TMOD1: variants seen among roughly 807,000 people sequenced by gnomAD.
TMOD1 encodes tropomodulin 1.
Under a neutral mutation model 40.6 loss-of-function variants are expected in TMOD1, and 17 were observed. The observed-to-expected ratio is 0.42, with a 90% CI of 0.29 to 0.63. The LOEUF is 0.63. Ranked by LOEUF, TMOD1 falls within the 20% of genes least tolerant of loss-of-function variation. TMOD1 has a pLI of 0.22. For synonymous variants in TMOD1, 181 were observed against 175.0 expected (o/e 1.03, Z -0.27); for missense variants, 391 against 447.6 (o/e 0.87, Z 1.14).
intron 1 of TMOD1, among the ~76,000 whole-genome samples, chr9:97,519,485 G>A (rs1829881236): frequency 6.6e-6 from 1 of 152,136 alleles, no homozygotes. Context: ...CTCTTGCTCA[G>A]GGTCACCAGG....
intron 1 of TMOD1, among the ~76,000 whole-genome samples, chr9:97,520,265 A>G (rs923389919): frequency 3.9e-5 from 6 of 152,152 alleles, no homozygotes; most frequent in Admixed American, 3.3e-4. Context: ...TACTGTCACA[A>G]TTAACACTCC....
intron 1 of TMOD1, among the ~76,000 whole-genome samples, chr9:97,517,053 G>T (rs1034488627): frequency 2.6e-5 from 4 of 152,134 alleles, no homozygotes; most frequent in East Asian, 3.9e-4. Flanking sequence ...GCCTGTGGGG[G>T]TGGGGAGGAG....
chr9:97,512,131 C>T (rs1399620681), intron 1 of TMOD1, among the ~76,000 whole-genome samples: 1 of 152,122 alleles, frequency 6.6e-6, no homozygotes, highest in South Asian at 2.1e-4. Context: ...AAGAGAAGGC[C>T]TAATTCACAG....
intron 1 of TMOD1, among the ~76,000 whole-genome samples, chr9:97,508,075 A>T (rs1829621447): frequency 7.4e-6 from 1 of 134,366 alleles, no homozygotes; most frequent in African/African-American, 3.2e-5. Context: ...ACACACACAC[A>T]CACACACACA....
chr9:97,598,801 T>C (rs1467820962), intron 9 of TMOD1, among the ~76,000 whole-genome samples: 3 of 152,226 alleles, frequency 2.0e-5, no homozygotes, highest in East Asian at 3.9e-4. Flanking sequence ...CATCTAAGTA[T>C]AGACGGACTT....
intron 2 of TMOD1, among the ~76,000 whole-genome samples, chr9:97,543,063 A>G (rs994312911): frequency 6.6e-6 from 1 of 152,146 alleles, no homozygotes; most frequent in Admixed American, 6.5e-5. Flanking sequence ...CTCTGCTTTA[A>G]CTAAATCCGT....
At chr9:97,517,990 G>T (rs1271233666) in intron 1 of TMOD1, among the ~76,000 whole-genome samples, 1 of 152,178 alleles carries the variant, frequency 6.6e-6, no homozygotes, top group Non-Finnish European at 1.5e-5. Context: ...CTGTCCCTCA[G>T]GACTCCACTC....
At position 97,546,325 on chromosome 9, in the gene TMOD1, C is replaced by T; in HGVS notation, c.261C>T (p.Tyr87=). The change falls in exon 3 of 10, where the codon TAC becomes TAT. Residue 87 remains tyrosine, a synonymous_variant. Coordinates refer to ENST00000259365, the MANE Select transcript of TMOD1 (RefSeq NM_003275.4). ...AGGACCGAGAAGATCTGGTCCCCTA[C>T]ACAGGGGAAAAACGAGGTACTGAAC... is the stretch of plus-strand genomic sequence containing the variant. The part of the protein sequence containing the change: ...EFKDREDLVP[Y]TGEKRGKVWV... 3.1e-6 allele frequency: 5 copies of T among 1,613,692 alleles called. No homozygotes were observed. The highest frequency in any genetic ancestry group is 4.2e-6 in the Non-Finnish European group (5 of 1,179,856).
chr9:97,522,656 G>T (rs1829935542), intron 1 of TMOD1, among the ~76,000 whole-genome samples: 1 of 152,028 alleles, frequency 6.6e-6, no homozygotes, highest in African/African-American at 2.4e-5. Flanking sequence ...CGACCTCCTG[G>T]GCTAAAGCGA....
chr9:97,506,658 G>C (rs1243851601), intron 1 of TMOD1, among the ~76,000 whole-genome samples: 1 of 152,204 alleles, frequency 6.6e-6, no homozygotes, highest in Non-Finnish European at 1.5e-5. Context: ...AACCCCATGA[G>C]GGAGGAACAG....
At chr9:97,587,171 G>C (rs1022654897) in intron 8 of TMOD1, among the ~76,000 whole-genome samples, 1 of 152,198 alleles carries the variant, frequency 6.6e-6, no homozygotes, top group Non-Finnish European at 1.5e-5. Context: ...AGGGCGTCTG[G>C]GTTGTTTCCA....
chr9:97,554,936 G>A (rs1468652078), intron 4 of TMOD1, among the ~76,000 whole-genome samples: 2 of 152,196 alleles, frequency 1.3e-5, no homozygotes, highest in African/African-American at 2.4e-5. Context: ...CCAGGTCTGG[G>A]GGACCTGAGG....
chr9:97,555,357 A>G lies in TMOD1; in HGVS notation c.397+1957A>G, dbSNP rs561413035. On this transcript the variant is annotated intron_variant, in intron 4 of 9. Transcript: ENST00000259365. ...TTTTTACCCTGGACTTTCTCCTCCA[A>G]TCACGCTTCATGACGTCACTCCCCT... The G allele has an allele frequency of 2.1e-4, 257 of 1,224,928 alleles. No individual in the cohort carries two copies. The African/African-American group carries it at 3.6e-3, about 17-fold the overall frequency. 75.9% of individuals were successfully genotyped at this position (1,224,928 alleles called of 1,614,324 possible). A position where few individuals can be genotyped will look rare whatever the true frequency, so the allele number is the denominator to read the frequency against.
intron 8 of TMOD1, among the ~76,000 whole-genome samples, chr9:97,582,418 T>A (rs1165020995): frequency 6.7e-6 from 1 of 148,756 alleles, no homozygotes; most frequent in Non-Finnish European, 1.5e-5. Context: ...TAGTATAGTT[T>A]GAAGTCAGGT....
chr9:97,553,250 C>G (rs1268684465), intron 3 of TMOD1, 31 bp from the exon 4 acceptor site: 2 of 1,612,850 alleles, frequency 1.2e-6, no homozygotes, highest in Non-Finnish European at 1.7e-6. Flanking sequence ...ATTGCAGCCA[C>G]TCCCGTAACA....
chr9:97,544,367 C>T (rs1830325203), intron 2 of TMOD1, among the ~76,000 whole-genome samples: 2 of 152,094 alleles, frequency 1.3e-5, no homozygotes, highest in Admixed American at 1.3e-4. Context: ...GAAACCCTGT[C>T]TTTACTAAAA....
intron 9 of TMOD1, among the ~76,000 whole-genome samples, chr9:97,599,150 A>G (rs1180077271): frequency 6.6e-6 from 1 of 152,158 alleles, no homozygotes; most frequent in Non-Finnish European, 1.5e-5. Flanking sequence ...TGGCAAGGTT[A>G]AACATAAGGG....
At chr9:97,589,409 C>A (rs1825953401) in intron 8 of TMOD1, among the ~76,000 whole-genome samples, 1 of 149,142 alleles carries the variant, frequency 6.7e-6, no homozygotes, top group Admixed American at 6.7e-5. Context: ...GTATCTGGGA[C>A]TACAGGTGTG....
At chr9:97,563,907 AC>A in intron 5 of TMOD1, 130 bp from the exon 6 acceptor site, 1 of 903,024 alleles carries the variant, frequency 1.1e-6, no homozygotes, top group Non-Finnish European at 1.6e-6. Context: ...CCCTACCCCC[AC>A]CCAGCCCCTG....
Sources: gnomAD v4.1 joint callset for allele counts (sites outside exome capture counted in the v4.1 genomes callset) on GRCh38, gnomAD v4.1.1 for gene constraint, MANE v1.5 for transcripts, NCBI Gene and HGNC (gene_info 2026-07-23, HGNC 2026-07-21) for gene names.